Variants in PRKCQ observed in about 807,000 individuals in gnomAD.
The protein encoded by PRKCQ is protein kinase C theta type.
A neutral mutation model predicts 91.2 loss-of-function variants in PRKCQ; 41 were observed. The ratio of observed to expected loss-of-function variants is 0.45; its 90% CI spans 0.35 to 0.58. The LOEUF is 0.58. PRKCQ is among the 20% of genes least tolerant of loss of function. The pLI is 0.00. For synonymous variants in PRKCQ, 307 were observed against 316.9 expected (o/e 0.97, Z 0.33); for missense variants, 673 against 896.5 (o/e 0.75, Z 3.18).
chr10:6,525,289 A>T (rs984927936), intron 1 of PRKCQ, among the ~76,000 whole-genome samples: 4 of 152,136 alleles, frequency 2.6e-5, no homozygotes, highest in Middle Eastern at 3.4e-3. Flanking sequence ...ATGGAAATTT[A>T]AAAAAAGGCT....
intron 12 of PRKCQ, among the ~76,000 whole-genome samples, chr10:6,469,064 G>A (rs1189886866): frequency 1.3e-5 from 2 of 152,160 alleles, no homozygotes; most frequent in African/African-American, 4.8e-5. Context: ...TATCACACAG[G>A]GAAGAAAAGC....
rs1470093443 is a variant in PRKCQ, at chr10:6,495,319, G to T, written c.660+1716C>A. Among the ~76,000 whole-genome samples the T allele has an allele frequency of 2.0e-5, 3 of 152,188 alleles. No homozygotes were observed. In the East Asian group the frequency reaches 5.8e-4, roughly 29 times the overall value. ...GGCCTTGGTGCCTTCCCCAGTGTGG[G>T]CTTCCAGTCTGCGCAGCCCTTGCAG... is the stretch of plus-strand genomic sequence containing the variant. On this transcript the variant is annotated intron_variant, in intron 7 of 17. Transcript: ENST00000263125.
chr10:6,546,527 C>A (rs1839957683), intron 1 of PRKCQ, among the ~76,000 whole-genome samples: 1 of 152,172 alleles, frequency 6.6e-6, no homozygotes, highest in African/African-American at 2.4e-5. Context: ...CATGATTTGG[C>A]TCTCTGTCTG....
intron 1 of PRKCQ, among the ~76,000 whole-genome samples, chr10:6,516,152 A>G (rs563652205): frequency 3.3e-5 from 5 of 152,348 alleles, no homozygotes; most frequent in East Asian, 1.9e-4. Flanking sequence ...AAAGAAAACT[A>G]TTTGAAATAA....
At chr10:6,533,371 T>C (rs549418119) in intron 1 of PRKCQ, among the ~76,000 whole-genome samples, 7 of 152,248 alleles carry the variant, frequency 4.6e-5, no homozygotes, top group African/African-American at 1.7e-4. Flanking sequence ...CTAATTTTTG[T>C]ATTTTAGTGG....
intron 1 of PRKCQ, among the ~76,000 whole-genome samples, chr10:6,542,587 G>T (rs1839813169): frequency 6.6e-6 from 1 of 152,190 alleles, no homozygotes. Flanking sequence ...GCTTCAGAGT[G>T]AACAGTTCTC....
chr10:6,533,684 T>C (rs1008878876), intron 1 of PRKCQ, among the ~76,000 whole-genome samples: 24 of 152,268 alleles, frequency 1.6e-4, no homozygotes, highest in African/African-American at 5.5e-4. Flanking sequence ...GCAAAAGAGA[T>C]GGACAGGTTA....
chr10:6,465,661 C>T lies in PRKCQ; in HGVS notation c.1354-1257G>A, dbSNP rs193216557. Among the ~76,000 whole-genome samples, 20 of 152,302 alleles carry T rather than the reference C, an allele frequency of 1.3e-4. No individual in the cohort carries two copies. Among genetic ancestry groups the T allele is most frequent in the Admixed American group, 7.2e-4 (11 of 15,310 alleles). On this transcript the variant is annotated intron_variant, in intron 12 of 17. Coordinates refer to ENST00000263125, the MANE Select transcript of PRKCQ (RefSeq NM_006257.5). This position sits in a 1 kb window ranked among gnomAD's most constrained non-coding sequence, Gnocchi z 4.4. ...CTTTACGTTTTGATGTGAACCCAAC[C>T]GAGGCCGTGGGGCATAGGAGGTAAT...
At chr10:6,397,322 TGAC>T in the PRKCQ span, among the ~76,000 whole-genome samples, 1 of 152,180 alleles carries the variant, frequency 6.6e-6, no homozygotes, top group African/African-American at 2.4e-5. Flanking sequence ...CTCGAACTCC[TGAC>T]ATCAGGCAAT....
intron 1 of PRKCQ, among the ~76,000 whole-genome samples, chr10:6,528,749 C>T (rs1276331598): frequency 6.6e-6 from 1 of 152,212 alleles, no homozygotes. Flanking sequence ...TTCTTGTTAG[C>T]AAATGTCTTT....
At chr10:6,564,000 TGAG>T (rs1840737124) in intron 1 of PRKCQ, among the ~76,000 whole-genome samples, 1 of 152,008 alleles carries the variant, frequency 6.6e-6, no homozygotes, top group Non-Finnish European at 1.5e-5. Context: ...GATGTGAGCG[TGAG>T]GAAGTGCACT....
intron 15 of PRKCQ, among the ~76,000 whole-genome samples, chr10:6,449,004 G>C (rs1447632304): frequency 1.3e-5 from 2 of 152,060 alleles, no homozygotes; most frequent in African/African-American, 4.8e-5. Flanking sequence ...AGAAAAACTG[G>C]AAACTCTAAA....
At chr10:6,533,010 A>G (rs1839446443) in intron 1 of PRKCQ, among the ~76,000 whole-genome samples, 1 of 152,114 alleles carries the variant, frequency 6.6e-6, no homozygotes, top group African/African-American at 2.4e-5. Flanking sequence ...GTTTTTTTAA[A>G]AAATAGGTTT....
chr10:6,394,152 A>T, the PRKCQ span, among the ~76,000 whole-genome samples: 1 of 152,266 alleles, frequency 6.6e-6, no homozygotes, highest in African/African-American at 2.4e-5. Flanking sequence ...ATTAGTTTAT[A>T]TGTGAAGGTG....
intron 15 of PRKCQ, among the ~76,000 whole-genome samples, chr10:6,453,787 T>C (rs1471453404): frequency 1.3e-5 from 2 of 151,870 alleles, no homozygotes; most frequent in African/African-American, 4.8e-5. Flanking sequence ...TGGATGAAAC[T>C]GGAAATCATC....
Position 6,483,498 on chromosome 10 carries a change from T to C in PRKCQ, c.1121A>G (p.Lys374Arg), listed in dbSNP as rs768299758. Residue 374 changes from lysine to arginine, a missense_variant, in exon 11 of 18, where the codon AAA (lysine) becomes AGA (arginine). Lys to Arg is a conservative substitution (Grantham distance 26). Transcript: ENST00000263125. ...CAAGATAAAATCCTCAATTTTTAGT[T>C]TAATCTGCAGAGATGGTCTTTCTTT... ...LNKERPSLQI[K>R]LKIEDFILHK... 2 of 1,614,232 alleles carry C rather than the reference T, an allele frequency of 1.2e-6. No individual in the cohort carries two copies. Among genetic ancestry groups the C allele is most frequent in the Non-Finnish European group, 8.5e-7 (1 of 1,180,044 alleles).
chr10:6,559,501 G>T (rs1840542395), intron 1 of PRKCQ, among the ~76,000 whole-genome samples: 1 of 152,110 alleles, frequency 6.6e-6, no homozygotes, highest in Non-Finnish European at 1.5e-5. Context: ...TGGGACTACA[G>T]GCATCCACCA....
chr10:6,478,132 A>T (rs1836371358), intron 12 of PRKCQ, among the ~76,000 whole-genome samples: 1 of 152,224 alleles, frequency 6.6e-6, no homozygotes, highest in Non-Finnish European at 1.5e-5. Flanking sequence ...GTTCTAGTTA[A>T]ATCACGTTGT....
intron 1 of PRKCQ, among the ~76,000 whole-genome samples, chr10:6,519,513 G>A (rs11259366): frequency 6.6e-6 from 1 of 151,860 alleles, no homozygotes; most frequent in African/African-American, 2.4e-5. Flanking sequence ...ATAATCAGGC[G>A]AAGTTTGAGA....
Sources: allele counts gnomAD v4.1 joint callset (sites outside exome capture counted in the v4.1 genomes callset), GRCh38; gene constraint gnomAD v4.1.1; non-coding constraint Gnocchi (gnomAD v3.1); transcripts MANE v1.5; gene names NCBI Gene and HGNC (gene_info 2026-07-23, HGNC 2026-07-21).